Variants in NXPE2 observed in about 807,000 individuals in gnomAD.
NXPE2 encodes neurexophilin and PC-esterase domain family member 2, also known as NXPE family member 2.
In NXPE2, 34 loss-of-function variants were observed where a neutral mutation model predicts 34.4. The ratio of observed to expected loss-of-function variants is 0.99; its 90% CI spans 0.75 to 1.31. The LOEUF (loss-of-function observed/expected upper bound fraction) is 1.31, where lower values mean the gene tolerates loss of function less well. Ranked by LOEUF, NXPE2 falls within the 40% of genes most tolerant of loss-of-function variation. The probability of loss-of-function intolerance (pLI) is 0.00; values close to 1 mark genes in which losing one functional copy is unlikely to be tolerated. For synonymous variants in NXPE2, 235 were observed against 231.3 expected, an observed-to-expected ratio of 1.02 and a Z score of -0.15; for missense variants, 649 against 672.5, an observed-to-expected ratio of 0.97 and a Z score of 0.39.
At chr11:114,613,240 T>C in the NXPE2 span, among the ~76,000 whole-genome samples, 1 of 151,940 alleles carries the variant, frequency 6.6e-6, no homozygotes, top group Admixed American at 6.6e-5. Flanking sequence ...GTAACCACTG[T>C]TACCCGGTGG....
At chr11:114,745,275 G>A in the NXPE2 span, among the ~76,000 whole-genome samples, 4 of 152,252 alleles carry the variant, frequency 2.6e-5, no homozygotes, top group African/African-American at 9.6e-5. Context: ...GTCTATTTTG[G>A]GGGAGGGTTT....
chr11:114,631,558 G>C, the NXPE2 span, among the ~76,000 whole-genome samples: 1 of 151,526 alleles, frequency 6.6e-6, no homozygotes, highest in Admixed American at 6.6e-5. Context: ...AGCACTGGGA[G>C]ATATACCTAA....
chr11:114,493,211 G>C, the NXPE2 span, among the ~76,000 whole-genome samples: 1 of 152,026 alleles, frequency 6.6e-6, no homozygotes, highest in Non-Finnish European at 1.5e-5. Context: ...ATGTCTTATG[G>C]TGAAGTATGT....
intron 2 of NXPE2, among the ~76,000 whole-genome samples, chr11:114,680,936 T>G (rs1019365265): frequency 1.3e-5 from 2 of 152,120 alleles, no homozygotes; most frequent in Non-Finnish European, 2.9e-5. Context: ...TGTCTCACCA[T>G]CATCCCCTAA....
the NXPE2 span, among the ~76,000 whole-genome samples, chr11:114,750,741 A>C: frequency 1.8e-4 from 27 of 152,236 alleles, no homozygotes; most frequent in Non-Finnish European, 3.8e-4. Flanking sequence ...TGGTTACAAT[A>C]TAACATGAAT....
the NXPE2 span, among the ~76,000 whole-genome samples, chr11:114,800,112 T>C: frequency 6.6e-6 from 1 of 152,218 alleles, no homozygotes; most frequent in African/African-American, 2.4e-5. Flanking sequence ...CTTCCAAATG[T>C]TCGTAGGTTT....
chr11:114,783,831 C>G, the NXPE2 span, among the ~76,000 whole-genome samples: 1 of 152,116 alleles, frequency 6.6e-6, no homozygotes, highest in African/African-American at 2.4e-5. Context: ...AGTTGCTCAA[C>G]CAAGTGATTC....
At chr11:114,662,189 G>C in the NXPE2 span, among the ~76,000 whole-genome samples, 1 of 152,036 alleles carries the variant, frequency 6.6e-6, no homozygotes, top group Admixed American at 6.6e-5. Context: ...TCAACCCCCA[G>C]CATTGGTGAC....
At chr11:114,614,054 A>G in the NXPE2 span, among the ~76,000 whole-genome samples, 9 of 151,256 alleles carry the variant, frequency 6.0e-5, no homozygotes, top group South Asian at 1.0e-3. Flanking sequence ...CCGGTGAATA[A>G]TAAGTGTCGC....
At chr11:114,543,030 G>A in the NXPE2 span, among the ~76,000 whole-genome samples, 1 of 152,104 alleles carries the variant, frequency 6.6e-6, no homozygotes, top group Non-Finnish European at 1.5e-5. Context: ...TGAGGCAGGA[G>A]GATCACTTGA....
the NXPE2 span, among the ~76,000 whole-genome samples, chr11:114,806,920 A>G: frequency 6.6e-6 from 1 of 152,182 alleles, no homozygotes; most frequent in African/African-American, 2.4e-5. Context: ...TGAAGGAAAA[A>G]ATGTTAAGGG....
the NXPE2 span, among the ~76,000 whole-genome samples, chr11:114,577,073 A>C: frequency 2.8e-4 from 35 of 124,674 alleles, 1 homozygote; most frequent in South Asian, 1.8e-3. Context: ...ATATATATAA[A>C]GTTATATATA....
At chr11:114,725,403 C>T in the NXPE2 span, among the ~76,000 whole-genome samples, 6 of 151,878 alleles carry the variant, frequency 4.0e-5, no homozygotes, top group African/African-American at 1.5e-4. Context: ...ATTATATAGC[C>T]TCCTTCTTCC....
chr11:114,467,894 T>C, the NXPE2 span, among the ~76,000 whole-genome samples: 5 of 151,948 alleles, frequency 3.3e-5, no homozygotes, highest in African/African-American at 4.8e-5. Flanking sequence ...CGAGATTGTG[T>C]CACTGCATTC....
the NXPE2 span, among the ~76,000 whole-genome samples, chr11:114,638,487 A>G: frequency 0.67 from 102,386 of 151,830 alleles, 34,910 homozygotes; most frequent in African/African-American, 0.75. Context: ...TCTCCGTCCA[A>G]CTTTGTTCCA....
the NXPE2 span, among the ~76,000 whole-genome samples, chr11:114,762,482 A>G: frequency 1.3e-5 from 2 of 152,226 alleles, no homozygotes; most frequent in African/African-American, 4.8e-5. Context: ...TCCATACACC[A>G]TAATTACAAC....
chr11:114,505,540 C>T, the NXPE2 span, among the ~76,000 whole-genome samples: 1 of 152,128 alleles, frequency 6.6e-6, no homozygotes, highest in Non-Finnish European at 1.5e-5. Context: ...AGCTGAAACC[C>T]TACAAGCCAG....
chr11:114,568,068 T>C, the NXPE2 span, among the ~76,000 whole-genome samples: 2 of 152,196 alleles, frequency 1.3e-5, no homozygotes, highest in Non-Finnish European at 2.9e-5. Context: ...AGAAGAACCA[T>C]TAAGCCTTCA....
the NXPE2 span, among the ~76,000 whole-genome samples, chr11:114,543,664 A>C: frequency 6.6e-6 from 1 of 152,192 alleles, no homozygotes; most frequent in African/African-American, 2.4e-5. Flanking sequence ...CACTTCCCCA[A>C]TATTGGAACC....
Sources: allele counts gnomAD v4.1 joint callset (sites outside exome capture counted in the v4.1 genomes callset), GRCh38; gene constraint gnomAD v4.1.1; transcripts MANE v1.5; gene names NCBI Gene and HGNC (gene_info 2026-07-23, HGNC 2026-07-21).